The following DHX9 variants were observed in gnomAD, a reference collection of about 807,000 sequenced individuals.
The protein encoded by DHX9 is DExH-box helicase 9.
Under a neutral mutation model 148.7 loss-of-function variants are expected in DHX9, and 27 were observed. The observed-to-expected ratio is 0.18, with a 90% CI of 0.13 to 0.25. The LOEUF (loss-of-function observed/expected upper bound fraction) is 0.25, where lower values mean the gene tolerates loss of function less well. Among genes scored for constraint, DHX9 ranks in the 10% least tolerant of loss-of-function variants. DHX9 has a pLI of 1.00. For synonymous variants in DHX9, 529 were observed against 516.6 expected (o/e 1.02, Z -0.33); for missense variants, 796 against 1,559.6 (o/e 0.51, Z 8.25).
intron 24 of DHX9, 118 bp from the exon 25 acceptor site, chr1:182,883,021 A>G: frequency 2.9e-6 from 2 of 691,366 alleles, no homozygotes; most frequent in Non-Finnish European, 5.1e-6. Context: ...TTTTACAGAC[A>G]GGTTATGTGA....
intron 12 of DHX9, among the ~76,000 whole-genome samples, chr1:182,863,818 G>T (rs1410891869): frequency 6.6e-6 from 1 of 151,546 alleles, no homozygotes; most frequent in Non-Finnish European, 1.5e-5. Flanking sequence ...TGCTTTTGGT[G>T]TACTACAAGA....
chr1:182,856,846 T>C (rs1434362205), intron 7 of DHX9, among the ~76,000 whole-genome samples: 2 of 152,202 alleles, frequency 1.3e-5, no homozygotes, highest in Non-Finnish European at 2.9e-5. Flanking sequence ...TGTCAATTAA[T>C]TTTAAACCTT....
At position 182,884,788 on chromosome 1, in the gene DHX9, A is replaced by G. The variant is rs1557981431; in HGVS notation, c.3436A>G (p.Ile1146Val). Residue 1146 changes from isoleucine to valine, a missense_variant, in exon 27 of 28, where the codon ATC (isoleucine) becomes GTC (valine). Transcript: ENST00000367549. ...GATCTCTAGACCCTCAGCTGCTGGT[A>G]TCAACCTTATGATTGGCAGTACACG... ...RQISRPSAAG[I>V]NLMIGSTRYG... 9.3e-6 allele frequency: 15 copies of G among 1,614,166 alleles called. No homozygotes were observed. The highest frequency in any genetic ancestry group is 1.3e-5 in the African/African-American group (1 of 75,030).
chr1:182,841,928 G>A (rs1055091839), intron 1 of DHX9, among the ~76,000 whole-genome samples: 1 of 152,302 alleles, frequency 6.6e-6, no homozygotes, highest in South Asian at 2.1e-4. Context: ...AGTACTGAGT[G>A]CTTAATGTAT....
chr1:182,841,446 A>T (rs1195956227), intron 1 of DHX9, among the ~76,000 whole-genome samples: 1 of 152,234 alleles, frequency 6.6e-6, no homozygotes, highest in Non-Finnish European at 1.5e-5. Context: ...ATTCACCATG[A>T]GGGCTTGTTG....
intron 12 of DHX9, among the ~76,000 whole-genome samples, chr1:182,860,874 T>C (rs1668350216): frequency 6.6e-6 from 1 of 152,238 alleles, no homozygotes; most frequent in Non-Finnish European, 1.5e-5. Context: ...CCGTTGGCTC[T>C]ACCCTGTACT....
At chr1:182,868,237 CATT>C (rs1648388093) in intron 14 of DHX9, among the ~76,000 whole-genome samples, 2 of 152,068 alleles carry the variant, frequency 1.3e-5, no homozygotes, top group Admixed American at 6.5e-5. Context: ...AACTTTAAAA[CATT>C]ATTCTAAAAG....
chr1:182,845,593 G>C (rs568869023), intron 3 of DHX9, among the ~76,000 whole-genome samples: 2 of 152,254 alleles, frequency 1.3e-5, no homozygotes, highest in East Asian at 3.9e-4. Flanking sequence ...GTTCAACTCT[G>C]ACACTACCTG....
intron 1 of DHX9, chr1:182,839,763 C>G (rs1045232173): frequency 6.6e-6 from 1 of 152,362 alleles, no homozygotes. Flanking sequence ...GGCACCGCGG[C>G]GGCTGAGGGA....
chr1:182,854,979 A>G (rs1339076102), intron 6 of DHX9, among the ~76,000 whole-genome samples: 2 of 152,230 alleles, frequency 1.3e-5, no homozygotes, highest in Non-Finnish European at 2.9e-5. Flanking sequence ...TAAATTATCC[A>G]AATACATTAA....
Position 182,887,504 on chromosome 1 carries a change from T to C in DHX9, c.*70T>C. 2.2e-6 allele frequency: 3 copies of C among 1,372,550 alleles called. No homozygotes were observed. Among genetic ancestry groups the C allele is most frequent in the Non-Finnish European group, 3.0e-6 (3 of 1,005,782 alleles). The allele number at this position is 1,372,550 out of a possible 1,614,324, so 85.0% of individuals were successfully genotyped here. A position where few individuals can be genotyped will look rare whatever the true frequency, so the allele number is the denominator to read the frequency against. On this transcript the variant is annotated 3_prime_UTR_variant, in exon 28 of 28. Transcript: ENST00000367549. Reference sequence around the variant, plus strand: ...AGGCATGCTATGTGTTACGTGTTTTTTCCAGTATGTTTATTTGCCACCAAA... The same window carrying C: ...AGGCATGCTATGTGTTACGTGTTTTCTCCAGTATGTTTATTTGCCACCAAA...
intron 3 of DHX9, among the ~76,000 whole-genome samples, chr1:182,844,663 A>G (rs372444527): frequency 2.0e-5 from 3 of 152,302 alleles, no homozygotes; most frequent in East Asian, 3.9e-4. Context: ...TCTCCTAAGT[A>G]GCTGGGATTA....
intron 15 of DHX9, among the ~76,000 whole-genome samples, chr1:182,873,597 C>G (rs559907619): frequency 3.3e-5 from 5 of 152,132 alleles, no homozygotes; most frequent in Non-Finnish European, 7.3e-5. Context: ...GGATTATACT[C>G]AAAGAGATCA....
At chr1:182,872,597 G>GTATTTTTTA in intron 15 of DHX9, 104 bp downstream of exon 15, 1 of 1,254,392 alleles carries the variant, frequency 8.0e-7, no homozygotes, top group Non-Finnish European at 1.1e-6. Context: ...TTAAAATACA[G>GTATTTTTTA]GACAAATTAT....
intron 8 of DHX9, 47 bp from the exon 9 acceptor site, chr1:182,858,504 A>T: frequency 6.8e-7 from 1 of 1,480,806 alleles, no homozygotes. Flanking sequence ...TAGCCCCATT[A>T]TAGTAGATTT....
chr1:182,855,814 C>A, intron 6 of DHX9: 3 of 870,946 alleles, frequency 3.4e-6, no homozygotes, highest in Non-Finnish European at 4.1e-6. Context: ...TAGAATGTAT[C>A]TGAGCAGTGA....
chr1:182,875,347 A>C (rs1648712094), intron 16 of DHX9, among the ~76,000 whole-genome samples: 1 of 152,246 alleles, frequency 6.6e-6, no homozygotes, highest in African/African-American at 2.4e-5. Context: ...GTCAGAATCT[A>C]CAGTTTAACA....
At position 182,884,617 on chromosome 1, in the gene DHX9, A is replaced by G. The variant is rs1649236979; in HGVS notation, c.3265A>G (p.Lys1089Glu). ...TAATGTATTTCGCCACTTTAGGATTAAACTGCAAATATCTCATGAAGCTGC... is the reference window on the plus strand; with the variant it reads ...TAATGTATTTCGCCACTTTAGGATTGAACTGCAAATATCTCATGAAGCTGC... ...GQIVLVDDWI[K>E]LQISHEAAAC... Residue 1089 changes from lysine (K) to glutamate (E), a missense_variant, in exon 27 of 28, where the codon AAA becomes GAA. Physicochemically the swap from Lys to Glu is moderately conservative, Grantham distance 56 (BLOSUM62 1). This residue lies in a region of DHX9 where 86 missense variants were observed against 156.3 expected (regional missense o/e 0.55). Transcript: ENST00000367549. The G allele has an allele frequency of 1.2e-6, 2 of 1,613,948 alleles. No individual in the cohort carries two copies. The highest frequency in any genetic ancestry group is 1.7e-6 in the Non-Finnish European group (2 of 1,179,988).
chr1:182,883,615 G>A lies in DHX9; in HGVS notation c.3240G>A (p.Gln1080=), dbSNP rs750480150. The change falls in exon 26 of 28, where the codon CAG becomes CAA. Residue 1080 remains glutamine, a synonymous_variant. Coordinates refer to ENST00000367549, the MANE Select transcript of DHX9 (RefSeq NM_001357.5). Reference sequence around the variant, plus strand: ...CCAAGAAAGTCCAATCTGATGGGCAGATTGTGCTTGTAGATGACTGGTATG... The same window carrying A: ...CCAAGAAAGTCCAATCTGATGGGCAAATTGTGCTTGTAGATGACTGGTATG... ...FASKKVQSDG[Q]IVLVDDWIKL... The A allele has an allele frequency of 6.2e-6, 10 of 1,613,422 alleles. No individual in the cohort carries two copies. The highest frequency in any genetic ancestry group is 1.7e-4 in the Middle Eastern group (1 of 6,026).
Sources: allele counts gnomAD v4.1 joint callset (sites outside exome capture counted in the v4.1 genomes callset), GRCh38; gene constraint gnomAD v4.1.1; regional missense constraint gnomAD v4.1.1; transcripts MANE v1.5; gene names NCBI Gene and HGNC (gene_info 2026-07-23, HGNC 2026-07-21).